Variants in NEK11 observed in about 807,000 individuals in gnomAD.
NEK11 encodes serine/threonine-protein kinase Nek11.
In NEK11, 72 loss-of-function variants were observed where a neutral mutation model predicts 80.7. That is an observed-to-expected ratio of 0.89 (90% CI 0.74 to 1.08). The LOEUF is 1.08. Ranked by LOEUF, NEK11 falls within the 50% of genes least tolerant of loss-of-function variation. NEK11 has a pLI of 0.00. For synonymous variants in NEK11, 251 were observed against 260.7 expected (o/e 0.96, Z 0.36); for missense variants, 764 against 763.6 (o/e 1.00, Z -0.01).
chr3:131,113,947 A>G (rs902632462), intron 5 of NEK11, among the ~76,000 whole-genome samples: 1 of 150,540 alleles, frequency 6.6e-6, no homozygotes, highest in Non-Finnish European at 1.5e-5. Context: ...TTGCTTAAAT[A>G]TAACTATTGT....
At chr3:131,331,959 G>T (rs143920692) in intron 17 of NEK11, among the ~76,000 whole-genome samples, 7,272 of 152,310 alleles carry the variant, frequency 0.048, 247 homozygotes, top group East Asian at 0.18. Flanking sequence ...CAAAGCAGCC[G>T]GGAAGCTTGA....
intron 14 of NEK11, among the ~76,000 whole-genome samples, chr3:131,226,595 T>C (rs1450137898): frequency 2.0e-5 from 3 of 152,030 alleles, no homozygotes; most frequent in Admixed American, 2.0e-4. Flanking sequence ...CCAAATACCA[T>C]ATGTTCTCAC....
chr3:131,184,716 A>G, intron 14 of NEK11: 1 of 1,226,014 alleles, frequency 8.2e-7, no homozygotes, highest in Non-Finnish European at 1.1e-6. Flanking sequence ...CTGTAATCTA[A>G]TTTCACTAGA....
chr3:131,296,879 T>C (rs2109072229), intron 17 of NEK11, among the ~76,000 whole-genome samples: 1 of 152,160 alleles, frequency 6.6e-6, no homozygotes, highest in African/African-American at 2.4e-5. Context: ...TTCTCATTGT[T>C]CAATTCCCAC....
chr3:131,211,119 C>A (rs2094598964), intron 14 of NEK11, among the ~76,000 whole-genome samples: 1 of 152,142 alleles, frequency 6.6e-6, no homozygotes, highest in Non-Finnish European at 1.5e-5. Context: ...TACCAGTTTT[C>A]CTTTCCATGT....
intron 17 of NEK11, among the ~76,000 whole-genome samples, chr3:131,310,891 C>G (rs934376155): frequency 7.9e-5 from 12 of 152,160 alleles, no homozygotes; most frequent in Non-Finnish European, 1.6e-4. Flanking sequence ...TGAAAATATG[C>G]AGCCTAGTAA....
chr3:131,115,902 TTTTCTTTCTTTCTTTCTTTCTTTC>T lies in NEK11; in HGVS notation c.455+6045_455+6068del, dbSNP rs201604189. On this transcript the variant is annotated intron_variant, in intron 5 of 17. Transcript: ENST00000383366. The stretch of plus-strand genomic sequence containing the variant: ...CTAAAATGTTCCCTGAAAGGTAGTG[TTTTCTTTCTTTCTTTCTTTCTTTC>T]TTTCTTTCTTTCTTTCTTTCTTTCT... 5.9e-3 allele frequency among the ~76,000 whole-genome samples: 412 copies of T among 70,258 alleles called. 1 individual carries two copies. The highest frequency in any genetic ancestry group is 0.011 in the East Asian group (26 of 2,278). The allele number at this position is 70,258 out of a possible 152,430, so 46.1% of individuals were successfully genotyped here.
At chr3:131,259,691 A>G (rs953878297) in intron 16 of NEK11, among the ~76,000 whole-genome samples, 5 of 152,178 alleles carry the variant, frequency 3.3e-5, no homozygotes, top group African/African-American at 1.2e-4. Context: ...AGCAAAGGCC[A>G]TAATGGTTAG....
chr3:131,341,740 ACTTT>A lies in NEK11; in HGVS notation c.1719-7812_1719-7809del, dbSNP rs138918722. Among the ~76,000 whole-genome samples, 868 of 152,154 alleles carry A rather than the reference ACTTT, an allele frequency of 5.7e-3. 8 individuals are homozygous for A. Among genetic ancestry groups the A allele is most frequent in the African/African-American group, 0.019 (782 of 41,530 alleles). ...TTGTGAATTGAATTATTATGTAGTG[ACTTT>A]CTTTATCTCTAATAATGCTTTTTTA... On this transcript the variant is annotated intron_variant, in intron 17 of 17. Coordinates refer to ENST00000383366, the MANE Select transcript of NEK11 (RefSeq NM_024800.5).
intron 14 of NEK11, among the ~76,000 whole-genome samples, chr3:131,209,211 C>A (rs904473968): frequency 3.3e-5 from 5 of 150,446 alleles, no homozygotes; most frequent in Admixed American, 3.3e-4. Flanking sequence ...TTTCTGCATC[C>A]GTTGATGCAG....
chr3:131,170,890 A>AT lies in NEK11; in HGVS notation c.1399+4dup. The AT allele has an allele frequency of 6.3e-7, 1 of 1,588,226 alleles. No individual in the cohort carries two copies. Among genetic ancestry groups the AT allele is most frequent in the African/African-American group, 1.3e-5 (1 of 74,518 alleles). The stretch of plus-strand genomic sequence containing the variant: ...CACATCTGACCTTGGATACCATGGT[A>AT]TGTGTTTGCATTGATTTTCAGAAGG... On this transcript the variant is annotated splice_donor_region_variant and intron_variant, in intron 14 of 17. Coordinates refer to ENST00000383366, the MANE Select transcript of NEK11 (RefSeq NM_024800.5).
intron 5 of NEK11, among the ~76,000 whole-genome samples, chr3:131,120,385 G>A (rs1490261310): frequency 2.0e-5 from 3 of 152,128 alleles, no homozygotes; most frequent in Non-Finnish European, 4.4e-5. Context: ...TGGGTAACCC[G>A]ACCTTTCACT....
chr3:131,123,168 G>T (rs940187863), intron 5 of NEK11, among the ~76,000 whole-genome samples: 1 of 151,866 alleles, frequency 6.6e-6, no homozygotes, highest in Non-Finnish European at 1.5e-5. Flanking sequence ...AATACATTAC[G>T]ATTTTTTTTT....
At chr3:131,282,541 C>T (rs1346534734) in intron 17 of NEK11, among the ~76,000 whole-genome samples, 1 of 152,116 alleles carries the variant, frequency 6.6e-6, no homozygotes, top group Non-Finnish European at 1.5e-5. Flanking sequence ...CAGAGCACAG[C>T]CCTGGTATAG....
chr3:131,310,137 A>T (rs2096766779), intron 17 of NEK11, among the ~76,000 whole-genome samples: 1 of 152,024 alleles, frequency 6.6e-6, no homozygotes, highest in Admixed American at 6.6e-5. Flanking sequence ...CACAAAGTTC[A>T]GTGCTCAATA....
chr3:131,316,980 G>A (rs1307088945), intron 17 of NEK11, among the ~76,000 whole-genome samples: 1 of 152,198 alleles, frequency 6.6e-6, no homozygotes, highest in Non-Finnish European at 1.5e-5. Flanking sequence ...TTATAGAGGA[G>A]CTTAAAAATG....
At chr3:131,098,967 A>T (rs575884137) in intron 4 of NEK11, among the ~76,000 whole-genome samples, 3 of 152,104 alleles carry the variant, frequency 2.0e-5, no homozygotes, top group African/African-American at 7.2e-5. Flanking sequence ...GGCTGTGCAG[A>T]TGCTCTTTCA....
intron 16 of NEK11, among the ~76,000 whole-genome samples, chr3:131,256,225 G>A (rs990841394): frequency 2.0e-5 from 3 of 152,072 alleles, no homozygotes; most frequent in Non-Finnish European, 4.4e-5. Context: ...TTCTTACCAC[G>A]ATGAAATGAT....
chr3:131,228,432 CAAGCAA>C lies in NEK11; in HGVS notation c.1400-93_1400-88del, dbSNP rs1284213062. ...ACACTCCATGGAAGCTTTGTCAACGCAAGCAAAATATACATCCCTGTGAAAAGATAC... is the reference window on the plus strand; with the variant it reads ...ACACTCCATGGAAGCTTTGTCAACGCAATATACATCCCTGTGAAAAGATAC... On this transcript the variant is annotated intron_variant, in intron 14 of 17. Transcript: ENST00000383366. The C allele has an allele frequency of 2.5e-5, 28 of 1,136,332 alleles. No homozygotes were observed. In the African/African-American group the frequency reaches 3.2e-4, roughly 13 times the overall value. 70.4% of individuals were successfully genotyped at this position (1,136,332 alleles called of 1,614,324 possible).
Sources: allele counts gnomAD v4.1 joint callset (sites outside exome capture counted in the v4.1 genomes callset), GRCh38; gene constraint gnomAD v4.1.1; transcripts MANE v1.5; gene names NCBI Gene and HGNC (gene_info 2026-07-23, HGNC 2026-07-21).